The following USPL1 variants were observed in gnomAD, a reference collection of about 807,000 sequenced individuals.
The protein encoded by USPL1 is SUMO-specific isopeptidase USPL1.
A neutral mutation model predicts 51.5 loss-of-function variants in USPL1; 27 were observed. The ratio of observed to expected loss-of-function variants is 0.52; its 90% CI spans 0.39 to 0.72. The LOEUF (loss-of-function observed/expected upper bound fraction) is 0.72, where lower values mean the gene tolerates loss of function less well. USPL1 is among the 30% of genes least tolerant of loss of function. The pLI, the probability that USPL1 is intolerant of heterozygous loss-of-function variation, is 0.00. For missense variants in USPL1, 1,226 were observed against 1,268.0 expected, an observed-to-expected ratio of 0.97 and a Z score of 0.50; for synonymous variants, 451 against 459.6, an observed-to-expected ratio of 0.98 and a Z score of 0.24.
intron 1 of USPL1, among the ~76,000 whole-genome samples, chr13:30,619,131 T>A (rs1950613459): frequency 6.6e-6 from 1 of 152,170 alleles, no homozygotes; most frequent in Admixed American, 6.5e-5. Flanking sequence ...AGGAGCAGAT[T>A]GTTTTTGAAG....
chr13:30,651,055 C>T (rs1448969578), intron 7 of USPL1, among the ~76,000 whole-genome samples: 2 of 151,946 alleles, frequency 1.3e-5, no homozygotes, highest in South Asian at 4.2e-4. Context: ...GAGGCCATAC[C>T]GAGATTTTCG....
chr13:30,651,465 C>T (rs1159194122), intron 7 of USPL1, among the ~76,000 whole-genome samples: 1 of 152,104 alleles, frequency 6.6e-6, no homozygotes, highest in African/African-American at 2.4e-5. Flanking sequence ...TTGGAATGTA[C>T]AAGAAGCATA....
chr13:30,632,433 A>G (rs2137640654), intron 4 of USPL1, among the ~76,000 whole-genome samples: 1 of 84,868 alleles, frequency 1.2e-5, no homozygotes, highest in South Asian at 2.9e-4. Context: ...TTTTTTTTTA[A>G]GACAGAGCCT....
chr13:30,624,651 T>G (rs377577599), intron 3 of USPL1, among the ~76,000 whole-genome samples: 7 of 151,530 alleles, frequency 4.6e-5, no homozygotes, highest in African/African-American at 1.7e-4. Flanking sequence ...GACAAATAGA[T>G]CCAGGAAAGG....
intron 2 of USPL1, 60 bp downstream of exon 2, chr13:30,621,299 C>T (rs1429762660): frequency 3.9e-6 from 5 of 1,283,608 alleles, no homozygotes; most frequent in African/African-American, 3.1e-5. Flanking sequence ...ATTTTTGAGA[C>T]TTAAATTCAA....
chr13:30,629,442 G>A (rs1278456882), intron 3 of USPL1, among the ~76,000 whole-genome samples: 3 of 152,060 alleles, frequency 2.0e-5, no homozygotes, highest in East Asian at 1.9e-4. Flanking sequence ...AGCTGGGATC[G>A]TGCCACTATA....
intron 1 of USPL1, among the ~76,000 whole-genome samples, chr13:30,620,688 G>A (rs1485747490): frequency 1.3e-5 from 2 of 152,134 alleles, no homozygotes; most frequent in Non-Finnish European, 2.9e-5. Flanking sequence ...GTGGCACAAT[G>A]GATCTGGGGT....
rs543344053 is a variant in USPL1 at position 30,633,059 on chromosome 13, T to C, written c.868+1585T>C. On this transcript the variant is annotated intron_variant, in intron 4 of 8. Coordinates refer to ENST00000255304, the MANE Select transcript of USPL1 (RefSeq NM_005800.5). ...GTTTCATCATTCCATCTTTTCTTAG[T>C]TTTTCTTACATGTGTTTATCTAAAC... is the stretch of plus-strand genomic sequence containing the variant. 7.2e-5 allele frequency among the ~76,000 whole-genome samples: 11 copies of C among 152,284 alleles called. No homozygotes were observed. The South Asian group carries it at 2.3e-3, about 32-fold the overall frequency.
intron 5 of USPL1, among the ~76,000 whole-genome samples, chr13:30,639,360 A>G (rs998382152): frequency 1.1e-4 from 16 of 151,412 alleles, no homozygotes; most frequent in Non-Finnish European, 2.1e-4. Context: ...CTGCCCCCTA[A>G]TTTTCACTTT....
At chr13:30,650,761 G>A (rs777879279) in intron 7 of USPL1, among the ~76,000 whole-genome samples, 9 of 151,956 alleles carry the variant, frequency 5.9e-5, no homozygotes, top group Non-Finnish European at 1.0e-4. Flanking sequence ...AGGCCAAGGC[G>A]GGTGGATTAC....
In USPL1 at chr13:30,658,528, G is replaced by A. The variant is rs771450973; in HGVS notation, c.2451G>A (p.Lys817=). ...KASHVSKKAR[K]SASKPPPISK... ...GCCACGTATCCAAGAAAGCTCGTAA[G>A]AGTGCAAGTAAGCCTCCTCCCATCA... The change falls in exon 9 of 9, where the codon AAG becomes AAA. Residue 817 remains lysine (K), a synonymous_variant. Transcript: ENST00000255304. 7 of 1,613,956 alleles carry A rather than the reference G, an allele frequency of 4.3e-6. No individual in the cohort carries two copies. Among genetic ancestry groups the A allele is most frequent in the Non-Finnish European group, 5.9e-6 (7 of 1,180,012 alleles).
At chr13:30,639,669 ACT>A (rs1950921582) in intron 5 of USPL1, among the ~76,000 whole-genome samples, 1 of 152,126 alleles carries the variant, frequency 6.6e-6, no homozygotes, top group Non-Finnish European at 1.5e-5. Context: ...GGACTCTGTC[ACT>A]CTAAAACTTC....
chr13:30,651,734 G>T (rs941172708), intron 7 of USPL1, among the ~76,000 whole-genome samples: 2 of 152,196 alleles, frequency 1.3e-5, no homozygotes, highest in African/African-American at 4.8e-5. Flanking sequence ...GCCAAGGCAG[G>T]CAGATCACTT....
At chr13:30,632,598 G>T (rs1234462911) in intron 4 of USPL1, among the ~76,000 whole-genome samples, 2 of 151,780 alleles carry the variant, frequency 1.3e-5, no homozygotes, top group Non-Finnish European at 2.9e-5. Context: ...ATTTTTAGTA[G>T]AGACAGGGTT....
chr13:30,618,634 G>GGGATAGC (rs1426538379), intron 1 of USPL1, among the ~76,000 whole-genome samples: 2 of 152,134 alleles, frequency 1.3e-5, no homozygotes, highest in Non-Finnish European at 2.9e-5. Flanking sequence ...GGGCCACCTT[G>GGGATAGC]ACACGTTCAT....
intron 6 of USPL1, among the ~76,000 whole-genome samples, chr13:30,646,323 A>AT: frequency 6.6e-6 from 1 of 152,146 alleles, no homozygotes; most frequent in Admixed American, 6.5e-5. Flanking sequence ...TGAAAACAAA[A>AT]TTTGTTCACA....
Position 30,621,059 on chromosome 13 carries a change from CTT to C in USPL1, c.-68-6_-68-5del. 2.7e-6 allele frequency: 3 copies of C among 1,130,662 alleles called. No homozygotes were observed. Among genetic ancestry groups the C allele is most frequent in the African/African-American group, 1.6e-5 (1 of 62,560 alleles). The allele number at this position is 1,130,662 out of a possible 1,614,324, so 70.0% of individuals were successfully genotyped here. ...GAATTTTTATTTAATTGTCTATTGA[CTT>C]TTTTTTTCCAGGGTTCATTGAAAAA... On this transcript the variant is annotated splice_polypyrimidine_tract_variant and intron_variant, in intron 1 of 8. Coordinates refer to ENST00000255304, the MANE Select transcript of USPL1 (RefSeq NM_005800.5).
Position 30,660,548 on chromosome 13 carries a change from G to A in USPL1, c.*1192G>A, listed in dbSNP as rs370460409. On this transcript the variant is annotated 3_prime_UTR_variant, in exon 9 of 9. Transcript: ENST00000255304. ...GTTTATGCAGATTTAAGTTGTATAC[G>A]GTATATGAATGTGTGACAGTTTTCC... The A allele has an allele frequency of 2.6e-5, 4 of 152,304 alleles. No individual in the cohort carries two copies. The highest frequency in any genetic ancestry group is 4.8e-5 in the African/African-American group (2 of 41,564). 9.4% of individuals were successfully genotyped at this position (152,304 alleles called of 1,614,324 possible). A position where few individuals can be genotyped will look rare whatever the true frequency, so the allele number is the denominator to read the frequency against.
rs1201698165 is a variant in USPL1 at position 30,658,512 on chromosome 13, C to A, written c.2435C>A (p.Ser812Tyr). ...ATAAACCAGAAGGCCAGCCACGTATCCAAGAAAGCTCGTAAGAGTGCAAGT... is the reference window on the plus strand; with the variant it reads ...ATAAACCAGAAGGCCAGCCACGTATACAAGAAAGCTCGTAAGAGTGCAAGT... Reference protein sequence around the residue: ...KGINQKASHVSKKARKSASKP... With the variant: ...KGINQKASHVYKKARKSASKP... Residue 812 changes from serine to tyrosine, a missense_variant, in exon 9 of 9, where the codon TCC becomes TAC. Physicochemically the swap from Ser to Tyr is moderately radical, Grantham distance 144 (BLOSUM62 -2). Transcript: ENST00000255304. 4 of 1,613,886 alleles carry A rather than the reference C, an allele frequency of 2.5e-6. No individual in the cohort carries two copies. The East Asian group carries it at 8.9e-5, about 36-fold the overall frequency.
Sources: allele counts gnomAD v4.1 joint callset (sites outside exome capture counted in the v4.1 genomes callset), GRCh38; gene constraint gnomAD v4.1.1; transcripts MANE v1.5; gene names NCBI Gene and HGNC (gene_info 2026-07-23, HGNC 2026-07-21).